ILDR2: variants seen among roughly 807,000 people sequenced by gnomAD.
The protein encoded by ILDR2 is immunoglobulin-like domain-containing receptor 2.
A neutral mutation model predicts 66.8 loss-of-function variants in ILDR2; 25 were observed. That is an observed-to-expected ratio of 0.37 (90% CI 0.27 to 0.52). The LOEUF (loss-of-function observed/expected upper bound fraction) is 0.52. Among genes scored for constraint, ILDR2 ranks in the 20% least tolerant of loss-of-function variants. ILDR2 has a pLI of 0.88. For missense variants in ILDR2, 827 were observed against 876.8 expected (o/e 0.94, Z 0.72); for synonymous variants, 367 against 357.2 (o/e 1.03, Z -0.31).
chr1:166,924,497 G>T (rs1660157833), intron 7 of ILDR2, among the ~76,000 whole-genome samples: 1 of 152,142 alleles, frequency 6.6e-6, no homozygotes, highest in South Asian at 2.1e-4. Flanking sequence ...CTGCCAAGTT[G>T]AACATAAACA....
rs530788577 is a variant in ILDR2 at position 166,942,582 on chromosome 1, C to A, written c.500-3012G>T. 6.6e-5 allele frequency among the ~76,000 whole-genome samples: 10 copies of A among 152,252 alleles called. No individual in the cohort carries two copies. The South Asian group carries it at 2.1e-3, about 32-fold the overall frequency. On this transcript the variant is annotated intron_variant, in intron 3 of 9. Transcript: ENST00000271417. ...CAGTATGTCTGCAGGCTGCATAGAG[C>A]CCAGAAATCATGAGTTTGCAACCTC...
intron 3 of ILDR2, among the ~76,000 whole-genome samples, chr1:166,952,735 C>T (rs1378658588): frequency 6.6e-6 from 1 of 152,098 alleles, no homozygotes; most frequent in Non-Finnish European, 1.5e-5. Context: ...GAACAAGTAA[C>T]AAACATTACC....
At chr1:166,973,963 T>C (rs867098518) in intron 1 of ILDR2, among the ~76,000 whole-genome samples, 19 of 152,326 alleles carry the variant, frequency 1.2e-4, no homozygotes, top group Middle Eastern at 6.8e-3. Flanking sequence ...ATTTAGGCAA[T>C]GAAGAATCTT....
intron 2 of ILDR2, among the ~76,000 whole-genome samples, chr1:166,898,903 A>G (rs1186791345): frequency 6.6e-6 from 1 of 151,788 alleles, no homozygotes; most frequent in Non-Finnish European, 1.5e-5. Context: ...TAAAAAAAAA[A>G]AAAGAAATTA....
chr1:166,937,220 G>A (rs539532065), intron 4 of ILDR2, among the ~76,000 whole-genome samples: 1 of 152,244 alleles, frequency 6.6e-6, no homozygotes, highest in African/African-American at 2.4e-5. Context: ...TCTATGTCTA[G>A]GGGTCTAGAT....
downstream of ILDR2, among the ~76,000 whole-genome samples, chr1:166,905,617 A>G (rs1021717076): frequency 6.6e-6 from 1 of 152,194 alleles, no homozygotes; most frequent in Admixed American, 6.5e-5. Context: ...GATGTCTCTA[A>G]CTTATACACA....
At chr1:166,972,873 A>G (rs897749884) in intron 1 of ILDR2, among the ~76,000 whole-genome samples, 8 of 152,076 alleles carry the variant, frequency 5.3e-5, no homozygotes, top group African/African-American at 1.9e-4. Flanking sequence ...AAGAGAATTC[A>G]TTGATTGGGC....
At chr1:166,920,374 T>C (rs1248416957) in intron 9 of ILDR2, among the ~76,000 whole-genome samples, 1 of 152,204 alleles carries the variant, frequency 6.6e-6, no homozygotes, top group Non-Finnish European at 1.5e-5. Flanking sequence ...GTGGTGGTGA[T>C]GGCTCCCGAG....
chr1:166,899,796 A>G (rs1393911338), intron 2 of ILDR2, among the ~76,000 whole-genome samples: 1 of 152,220 alleles, frequency 6.6e-6, no homozygotes, highest in Non-Finnish European at 1.5e-5. Context: ...AATATCTACA[A>G]GAGGGCTAGG....
chr1:166,919,523 T>C (rs1265824020), intron 9 of ILDR2, 133 bp from the exon 10 acceptor site: 1 of 712,384 alleles, frequency 1.4e-6, no homozygotes, highest in East Asian at 2.7e-5. Context: ...GAACCTTTCA[T>C]TAGACCTGTG....
At chr1:166,937,613 C>T (rs963044190) in intron 4 of ILDR2, among the ~76,000 whole-genome samples, 1 of 152,206 alleles carries the variant, frequency 6.6e-6, no homozygotes, top group Non-Finnish European at 1.5e-5. Flanking sequence ...TTCATTTGCC[C>T]ATCCAAAAGA....
chr1:166,936,827 A>T lies in ILDR2; in HGVS notation c.557-90T>A. On this transcript the variant is annotated intron_variant, in intron 4 of 9. Coordinates refer to ENST00000271417, the MANE Select transcript of ILDR2 (RefSeq NM_199351.3). The surrounding 1 kb of genome is among the most constrained non-coding windows in gnomAD (Gnocchi z 5.0). The stretch of plus-strand genomic sequence containing the variant: ...ATTGGCATCTCCCGGTGAAAGGGGG[A>T]GAGGAGGAGGGACCTAGGGAAGAAA... The T allele has an allele frequency of 7.8e-7, 1 of 1,285,522 alleles. No homozygotes were observed. The highest frequency in any genetic ancestry group is 1.1e-6 in the Non-Finnish European group (1 of 903,758). The allele number at this position is 1,285,522 out of a possible 1,614,324, so 79.6% of individuals were successfully genotyped here.
At chr1:166,942,368 T>C (rs879810868) in intron 3 of ILDR2, among the ~76,000 whole-genome samples, 7 of 152,200 alleles carry the variant, frequency 4.6e-5, no homozygotes, top group Non-Finnish European at 8.8e-5. Context: ...AGGGAGTAGC[T>C]AGAGATGTCA....
rs1397742351 is a variant in ILDR2, at chr1:166,909,877, G to T, written c.*9478C>A. 1 of 146,746 alleles carries T rather than the reference G, an allele frequency of 6.8e-6. No homozygotes were observed. Among genetic ancestry groups the T allele is most frequent in the African/African-American group, 2.5e-5 (1 of 39,524 alleles). The allele number at this position is 146,746 out of a possible 1,614,324, so 9.1% of individuals were successfully genotyped here. A position where few individuals can be genotyped will look rare whatever the true frequency, so the allele number is the denominator to read the frequency against. ...AAAGAGCCAGAAAAAATCCACTGTG[G>T]CTATGCTTCTACACAAAATTTGTAA... On this transcript the variant is annotated 3_prime_UTR_variant, in exon 10 of 10. Coordinates refer to ENST00000271417, the MANE Select transcript of ILDR2 (RefSeq NM_199351.3).
chr1:166,899,471 T>C (rs559691397), intron 2 of ILDR2, among the ~76,000 whole-genome samples: 3 of 152,280 alleles, frequency 2.0e-5, no homozygotes, highest in South Asian at 2.1e-4. Context: ...CTGGGGGAAT[T>C]TGAACATACA....
chr1:166,918,598 C>T lies in ILDR2; in HGVS notation c.*757G>A, dbSNP rs1356008665. On this transcript the variant is annotated 3_prime_UTR_variant, in exon 10 of 10. Coordinates refer to ENST00000271417, the MANE Select transcript of ILDR2 (RefSeq NM_199351.3). ...CAGGAGAGGGGAGGAAGAGAAGAGC[C>T]CTTAATGTCTAAGACTCCGATATTG... The T allele has an allele frequency of 6.6e-6, 1 of 152,120 alleles. No individual in the cohort carries two copies. Among genetic ancestry groups the T allele is most frequent in the African/African-American group, 2.4e-5 (1 of 41,408 alleles). The allele number at this position is 152,120 out of a possible 1,614,324, so 9.4% of individuals were successfully genotyped here. A position where few individuals can be genotyped will look rare whatever the true frequency, so the allele number is the denominator to read the frequency against.
intron 1 of ILDR2, among the ~76,000 whole-genome samples, chr1:166,971,615 G>A (rs72689316): frequency 7.2e-5 from 11 of 152,178 alleles, no homozygotes; most frequent in South Asian, 2.1e-4. Flanking sequence ...GCAAGCCATC[G>A]TGCCCGGCTA....
Position 166,919,408 on chromosome 1 carries a change from G to C in ILDR2, c.1885-18C>G. On this transcript the variant is annotated intron_variant, in intron 9 of 9. Coordinates refer to ENST00000271417, the MANE Select transcript of ILDR2 (RefSeq NM_199351.3). ...AAGTCATTCTAGGAAAGAGCAGAAA[G>C]AGCCCAACATTAAGCCACATGCTAG... 2 of 1,602,154 alleles carry C rather than the reference G, an allele frequency of 1.2e-6. No homozygotes were observed. The highest frequency in any genetic ancestry group is 1.7e-6 in the Non-Finnish European group (2 of 1,170,734).
chr1:166,907,772 C>T (rs1436233529), downstream of ILDR2, among the ~76,000 whole-genome samples: 1 of 152,100 alleles, frequency 6.6e-6, no homozygotes, highest in East Asian at 1.9e-4. Flanking sequence ...CCCTATTCTT[C>T]CATGACCAAT....
Sources: allele counts gnomAD v4.1 joint callset (sites outside exome capture counted in the v4.1 genomes callset), GRCh38; gene constraint gnomAD v4.1.1; non-coding constraint Gnocchi (gnomAD v3.1); transcripts MANE v1.5; gene names NCBI Gene and HGNC (gene_info 2026-07-23, HGNC 2026-07-21).